Variants in SLC25A1 observed in about 807,000 individuals in gnomAD.
SLC25A1 encodes solute carrier family 25 member 1, also known as tricarboxylate transport protein, mitochondrial.
Under a neutral mutation model 38.1 loss-of-function variants are expected in SLC25A1, and 26 were observed. That is an observed-to-expected ratio of 0.68 (90% confidence interval 0.50 to 0.95). The LOEUF is 0.95. SLC25A1 is among the 40% of genes least tolerant of loss of function. SLC25A1 has a pLI of 0.00. For synonymous variants in SLC25A1, 211 were observed against 183.2 expected, an observed-to-expected ratio of 1.15 and a Z score of -1.23; for missense variants, 378 against 426.6, an observed-to-expected ratio of 0.89 and a Z score of 1.00.
rs922680720 is a variant in SLC25A1, at chr22:19,178,100, C to T, written c.202+33G>A. On this transcript the variant is annotated intron_variant, in intron 2 of 8. Transcript: ENST00000215882. This position sits in a 1 kb window ranked among gnomAD's most constrained non-coding sequence, Gnocchi z 4.9. ...TCGGTGCCGCCGCCCTGGGTACCCG[C>T]CCCCCGCGGCGCCGCGGCCTCCCCC... The T allele has an allele frequency of 1.3e-6, 2 of 1,531,542 alleles. No individual in the cohort carries two copies. Among genetic ancestry groups the T allele is most frequent in the East Asian group, 2.5e-5 (1 of 39,842 alleles). 94.9% of individuals were successfully genotyped at this position (1,531,542 alleles called of 1,614,324 possible).
rs571447320 is a variant in SLC25A1, at chr22:19,175,838, C to G, written c.*292G>C. ...GAGGACCCAGGCCACACGGGCACCC[C>G]GGGAGGCGGGGCACAGGGTCACGTG... On this transcript the variant is annotated 3_prime_UTR_variant, in exon 9 of 9. Coordinates refer to ENST00000215882, the MANE Select transcript of SLC25A1 (RefSeq NM_005984.5). 8.9e-6 allele frequency: 4 copies of G among 448,622 alleles called. No homozygotes were observed. The highest frequency in any genetic ancestry group is 1.7e-5 in the Non-Finnish European group (4 of 239,694). 27.8% of individuals were successfully genotyped at this position (448,622 alleles called of 1,614,324 possible).
chr22:19,176,513 G>A lies in SLC25A1; in HGVS notation c.748-19C>T. The A allele has an allele frequency of 1.2e-6, 2 of 1,613,608 alleles. No homozygotes were observed. Among genetic ancestry groups the A allele is most frequent in the African/African-American group, 1.3e-5 (1 of 75,046 alleles). On this transcript the variant is annotated intron_variant, in intron 7 of 8. Coordinates refer to ENST00000215882, the MANE Select transcript of SLC25A1 (RefSeq NM_005984.5). ...CCAGGCCCTATGGGGGACATCAGCA[G>A]GCAGGGGCTCAGCAGCTAGCTCTGG... is the stretch of plus-strand genomic sequence containing the variant.
chr22:19,178,530 C>A lies in SLC25A1; in HGVS notation c.94+50G>T. The A allele has an allele frequency of 7.7e-7, 1 of 1,294,756 alleles. No individual in the cohort carries two copies. The highest frequency in any genetic ancestry group is 2.5e-4 in the Middle Eastern group (1 of 3,964). 80.2% of individuals were successfully genotyped at this position (1,294,756 alleles called of 1,614,324 possible). A position where few individuals can be genotyped will look rare whatever the true frequency, so the allele number is the denominator to read the frequency against. ...TGGGGCGGGGCCTCAGCGTCCCGGG[C>A]CCACCCAGAAGCGCGGCGGGAGAGG... On this transcript the variant is annotated intron_variant, in intron 1 of 8. Transcript: ENST00000215882. The surrounding 1 kb of genome is among the most constrained non-coding windows in gnomAD (Gnocchi z 4.9).
Position 19,175,929 on chromosome 22 carries a change from G to C in SLC25A1, c.*201C>G. 1 of 190,610 alleles carries C rather than the reference G, an allele frequency of 5.2e-6. No homozygotes were observed. The highest frequency in any genetic ancestry group is 8.0e-5 in the South Asian group (1 of 12,548). 11.8% of individuals were successfully genotyped at this position (190,610 alleles called of 1,614,324 possible). ...TGCACATCCAGCCATGGCTGGGCCA[G>C]ACACTGGGACACAGTGGTGGTGTCA... On this transcript the variant is annotated 3_prime_UTR_variant, in exon 9 of 9. Coordinates refer to ENST00000215882, the MANE Select transcript of SLC25A1 (RefSeq NM_005984.5).
chr22:19,178,736 C>G lies in SLC25A1; in HGVS notation c.-63G>C, dbSNP rs1225254394. The G allele has an allele frequency of 8.6e-6, 7 of 814,222 alleles. No individual in the cohort carries two copies. The East Asian group carries it at 5.9e-4, about 68-fold the overall frequency. The allele number at this position is 814,222 out of a possible 1,614,324, so 50.4% of individuals were successfully genotyped here. A position where few individuals can be genotyped will look rare whatever the true frequency, so the allele number is the denominator to read the frequency against. ...GTCCGAGACTCCAGAACTCCGCGCT[C>G]GGTCCGCGGTGGCGGCGGCGGCCGG... On this transcript the variant is annotated 5_prime_UTR_variant, in exon 1 of 9. Coordinates refer to ENST00000215882, the MANE Select transcript of SLC25A1 (RefSeq NM_005984.5). The surrounding 1 kb of genome is among the most constrained non-coding windows in gnomAD (Gnocchi z 4.9).
In SLC25A1 at chr22:19,178,734, C is replaced by A. The variant is rs1340316958; in HGVS notation, c.-61G>T. ...GGGTCCGAGACTCCAGAACTCCGCG[C>A]TCGGTCCGCGGTGGCGGCGGCGGCC... On this transcript the variant is annotated 5_prime_UTR_variant, in exon 1 of 9. Transcript: ENST00000215882. The surrounding 1 kb of genome is among the most constrained non-coding windows in gnomAD (Gnocchi z 4.9). The A allele has an allele frequency of 3.6e-6, 3 of 844,418 alleles. No individual in the cohort carries two copies. Among genetic ancestry groups the A allele is most frequent in the Admixed American group, 5.4e-5 (1 of 18,388 alleles). 52.3% of individuals were successfully genotyped at this position (844,418 alleles called of 1,614,324 possible).
chr22:19,178,591 G>A lies in SLC25A1; in HGVS notation c.83C>T (p.Ala28Val). Residue 28 changes from alanine (A) to valine (V), a missense_variant, in exon 1 of 9, where the codon GCG becomes GTG. Ala to Val is a moderately conservative substitution (Grantham distance 64). Transcript: ENST00000215882. This position sits in a 1 kb window ranked among gnomAD's most constrained non-coding sequence, Gnocchi z 4.9. Reference protein sequence around the residue: ...GKAKLTHPGKAILAGGLAGGI... With the variant: ...GKAKLTHPGKVILAGGLAGGI... ...CCGGAGGGGCCCACCTGCCAGGATC[G>A]CCTTCCCCGGGTGCGTCAGCTTGGC... 2 of 1,214,164 alleles carry A rather than the reference G, an allele frequency of 1.6e-6. No individual in the cohort carries two copies. The highest frequency in any genetic ancestry group is 3.4e-5 in the East Asian group (1 of 29,830). 75.2% of individuals were successfully genotyped at this position (1,214,164 alleles called of 1,614,324 possible).
Sources: allele counts gnomAD v4.1 joint callset, GRCh38; gene constraint gnomAD v4.1.1; non-coding constraint Gnocchi (gnomAD v3.1); transcripts MANE v1.5; gene names NCBI Gene and HGNC (gene_info 2026-07-23, HGNC 2026-07-21).